The following EEIG1 variants were observed in gnomAD, a reference collection of about 807,000 sequenced individuals.
EEIG1 encodes estrogen-induced osteoclastogenesis regulator 1.
the EEIG1 span, among the ~76,000 whole-genome samples, chr9:127,965,814 C>T: frequency 6.6e-6 from 1 of 152,244 alleles, no homozygotes. Context: ...CCAGCCAAGG[C>T]GTCCGTCCAG....
the EEIG1 span, among the ~76,000 whole-genome samples, chr9:127,965,758 C>T: frequency 5.3e-5 from 8 of 152,212 alleles, no homozygotes; most frequent in African/African-American, 1.9e-4. Flanking sequence ...TGTGCTTCCC[C>T]GAAGAGAAGA....
the EEIG1 span, chr9:127,940,626 C>G: frequency 4.6e-5 from 7 of 152,178 alleles, no homozygotes; most frequent in African/African-American, 1.4e-4. Context: ...CAAACCAAGA[C>G]GCTGACACTA....
At chr9:127,944,451 C>T in the EEIG1 span, 1 of 635,992 alleles carries the variant, frequency 1.6e-6, no homozygotes, top group South Asian at 1.8e-5. Flanking sequence ...GGTGTCCACA[C>T]AGCCTGACAG....
At chr9:127,953,046 T>C in the EEIG1 span, among the ~76,000 whole-genome samples, 131,544 of 152,122 alleles carry the variant, frequency 0.86, 58,104 homozygotes, top group Non-Finnish European at 0.97. Context: ...AGGAGAATTG[T>C]TTGAACCTAG....
At chr9:127,975,888 G>A in the EEIG1 span, among the ~76,000 whole-genome samples, 1 of 151,922 alleles carries the variant, frequency 6.6e-6, no homozygotes, top group South Asian at 2.1e-4. Flanking sequence ...CCTCCCTCCC[G>A]GGACCCCTGG....
the EEIG1 span, chr9:127,945,264 G>A: frequency 1.0e-6 from 1 of 969,636 alleles, no homozygotes; most frequent in South Asian, 1.7e-5. This position sits in a 1 kb window ranked among gnomAD's most constrained non-coding sequence, Gnocchi z 6.5. Context: ...AACCCTCTGA[G>A]GTGGGGACCT....
the EEIG1 span, among the ~76,000 whole-genome samples, chr9:127,964,144 G>A: frequency 5.3e-4 from 81 of 152,268 alleles, no homozygotes; most frequent in Admixed American, 3.9e-4. Flanking sequence ...CAAGTGACTC[G>A]GGGAGCCCCA....
chr9:127,969,712 A>G, the EEIG1 span, among the ~76,000 whole-genome samples: 5 of 152,048 alleles, frequency 3.3e-5, no homozygotes, highest in Non-Finnish European at 5.9e-5. Flanking sequence ...GAAGAGTTAC[A>G]TCTCTGTTTG....
At chr9:127,976,816 AC>A in the EEIG1 span, among the ~76,000 whole-genome samples, 5,061 of 151,944 alleles carry the variant, frequency 0.033, 308 homozygotes, top group East Asian at 0.27. The surrounding 1 kb of genome is among the most constrained non-coding windows in gnomAD (Gnocchi z 4.1). Context: ...CCATGCTGCC[AC>A]CACCAGGTCT....
chr9:127,956,204 T>C, the EEIG1 span, among the ~76,000 whole-genome samples: 1 of 152,134 alleles, frequency 6.6e-6, no homozygotes, highest in African/African-American at 2.4e-5. Flanking sequence ...ATCAAACAAC[T>C]GAGCACCAGT....
chr9:127,953,040 G>A, the EEIG1 span, among the ~76,000 whole-genome samples: 5 of 152,182 alleles, frequency 3.3e-5, no homozygotes, highest in African/African-American at 9.6e-5. Context: ...TGAGGGAGGA[G>A]AATTGTTTGA....
the EEIG1 span, chr9:127,948,536 C>A: frequency 2.1e-6 from 2 of 963,220 alleles, no homozygotes; most frequent in Non-Finnish European, 3.2e-6. Context: ...GTCTCTCTGC[C>A]CCCTCCTGGC....
chr9:127,957,011 G>C, the EEIG1 span, among the ~76,000 whole-genome samples: 2 of 152,160 alleles, frequency 1.3e-5, no homozygotes, highest in African/African-American at 4.8e-5. Context: ...ACAATGCCTG[G>C]CCTCATACAT....
the EEIG1 span, among the ~76,000 whole-genome samples, chr9:127,978,434 A>G: frequency 2.0e-5 from 3 of 152,176 alleles, no homozygotes; most frequent in African/African-American, 7.2e-5. Context: ...AGGGCCCACA[A>G]GGAGGCCCAG....
At chr9:127,977,422 G>A in the EEIG1 span, among the ~76,000 whole-genome samples, 3 of 152,246 alleles carry the variant, frequency 2.0e-5, no homozygotes, top group Non-Finnish European at 4.4e-5. Flanking sequence ...GGGAGACAGT[G>A]GCTCCAGGGC....
At chr9:127,945,293 G>GGTAAAGAA in the EEIG1 span, 1 of 1,223,096 alleles carries the variant, frequency 8.2e-7, no homozygotes, top group Non-Finnish European at 1.1e-6. This position sits in a 1 kb window ranked among gnomAD's most constrained non-coding sequence, Gnocchi z 6.5. Flanking sequence ...CTGTGTTATA[G>GGTAAAGAA]GTAAAGAAGC....
the EEIG1 span, chr9:127,953,876 C>T: frequency 1.4e-5 from 23 of 1,614,008 alleles, no homozygotes; most frequent in South Asian, 5.5e-5. Flanking sequence ...ATCTTACACA[C>T]GAAGGTGAAC....
chr9:127,955,255 T>A, the EEIG1 span, among the ~76,000 whole-genome samples: 1 of 152,186 alleles, frequency 6.6e-6, no homozygotes, highest in Non-Finnish European at 1.5e-5. Flanking sequence ...CATCGCCAGG[T>A]TTGCTTTGCA....
chr9:127,948,051 G>A, the EEIG1 span: 59 of 1,601,406 alleles, frequency 3.7e-5, no homozygotes, highest in Admixed American at 2.5e-4. Context: ...GGGGAGGGGC[G>A]GACAGATGAG....
Sources: gnomAD v4.1 joint callset for allele counts (sites outside exome capture counted in the v4.1 genomes callset) on GRCh38, gnomAD v4.1.1 for gene constraint, Gnocchi (gnomAD v3.1) non-coding constraint, MANE v1.5 for transcripts, NCBI Gene and HGNC (gene_info 2026-07-23, HGNC 2026-07-21) for gene names.